Variants in LONRF2 observed in about 807,000 individuals in gnomAD.
LONRF2 encodes the protein LON peptidase N-terminal domain and ring finger 2, also known as LON peptidase N-terminal domain and RING finger protein 2.
Under a neutral mutation model 66.6 loss-of-function variants are expected in LONRF2, and 35 were observed. That is an observed-to-expected ratio of 0.53 (90% CI 0.40 to 0.70). The LOEUF is 0.70. LONRF2 is among the 30% of genes least tolerant of loss of function. The probability of loss-of-function intolerance (pLI) is 0.00; values close to 1 mark genes in which losing one functional copy is unlikely to be tolerated. For synonymous variants in LONRF2, 417 were observed against 418.1 expected, an observed-to-expected ratio of 1.00 and a Z score of 0.03; for missense variants, 902 against 1,002.1, an observed-to-expected ratio of 0.90 and a Z score of 1.35.
intron 11 of LONRF2, among the ~76,000 whole-genome samples, chr2:100,285,528 T>C (rs1674827406): frequency 6.6e-6 from 1 of 152,156 alleles, no homozygotes; most frequent in African/African-American, 2.4e-5. Flanking sequence ...ATATGGTACC[T>C]TATATGGCAG....
At position 100,277,712 on chromosome 2, in the gene LONRF2, G is replaced by A. The variant is rs1674629148; in HGVS notation, c.*6586C>T. 6.6e-6 allele frequency: 1 copy of A among 152,140 alleles called. No homozygotes were observed. The highest frequency in any genetic ancestry group is 2.4e-5 in the African/African-American group (1 of 41,418). 9.4% of individuals were successfully genotyped at this position (152,140 alleles called of 1,614,324 possible). A position where few individuals can be genotyped will look rare whatever the true frequency, so the allele number is the denominator to read the frequency against. ...ACGGAACCCAAAAAACAACGCATGT[G>A]GCCAAAGTTAGGCAGTCGTCTTAAC... On this transcript the variant is annotated 3_prime_UTR_variant, in exon 12 of 12. Transcript: ENST00000393437.
rs887393116 is a variant in LONRF2, at chr2:100,281,504, G to A, written c.*2794C>T. ...ATTCTGAAGATGAGGACACACACGG[G>A]GGATGGGATAAGCTAAAAATGCCAC... On this transcript the variant is annotated 3_prime_UTR_variant, in exon 12 of 12. Coordinates refer to ENST00000393437, the MANE Select transcript of LONRF2 (RefSeq NM_198461.4). 2.0e-5 allele frequency: 3 copies of A among 152,108 alleles called. No homozygotes were observed. The highest frequency in any genetic ancestry group is 7.2e-5 in the African/African-American group (3 of 41,412). 9.4% of individuals were successfully genotyped at this position (152,108 alleles called of 1,614,324 possible).
At chr2:100,289,292 G>A (rs1431368247) in intron 10 of LONRF2, among the ~76,000 whole-genome samples, 1 of 152,142 alleles carries the variant, frequency 6.6e-6, no homozygotes, top group African/African-American at 2.4e-5. Context: ...GAGACCACAT[G>A]GCCTCTGGAG....
Position 100,299,327 on chromosome 2 carries a change from C to A in LONRF2, c.1268-8G>T, listed in dbSNP as rs997415790. 2.6e-6 allele frequency: 4 copies of A among 1,532,486 alleles called. No individual in the cohort carries two copies. The highest frequency in any genetic ancestry group is 2.6e-6 in the Non-Finnish European group (3 of 1,134,992). 94.9% of individuals were successfully genotyped at this position (1,532,486 alleles called of 1,614,324 possible). ...TCCTTTGAAGTGAGAGATCTGAATG[C>A]GAAAAAATTTAAAACGCTGTAATTA... is the stretch of plus-strand genomic sequence containing the variant. On this transcript the variant is annotated splice_region_variant and splice_polypyrimidine_tract_variant and intron_variant, in intron 5 of 11. Coordinates refer to ENST00000393437, the MANE Select transcript of LONRF2 (RefSeq NM_198461.4).
At chr2:100,305,910 A>G (rs1418907623) in intron 2 of LONRF2, among the ~76,000 whole-genome samples, 3 of 152,056 alleles carry the variant, frequency 2.0e-5, no homozygotes, top group Admixed American at 6.5e-5. Flanking sequence ...ATTTTTTGAG[A>G]TGGAGTCTCG....
chr2:100,304,303 C>T (rs1675244908), intron 2 of LONRF2, among the ~76,000 whole-genome samples: 1 of 113,444 alleles, frequency 8.8e-6, no homozygotes, highest in Non-Finnish European at 1.8e-5. Flanking sequence ...CACATGCCAC[C>T]CTGCCTGGCT....
rs1380508226 is a variant in LONRF2 at position 100,321,490 on chromosome 2, C to A, written c.604G>T (p.Gly202Cys). 1 of 1,530,686 alleles carries A rather than the reference C, an allele frequency of 6.5e-7. No homozygotes were observed. Among genetic ancestry groups the A allele is most frequent in the Non-Finnish European group, 8.7e-7 (1 of 1,151,056 alleles). The allele number at this position is 1,530,686 out of a possible 1,614,324, so 94.8% of individuals were successfully genotyped here. A position where few individuals can be genotyped will look rare whatever the true frequency, so the allele number is the denominator to read the frequency against. ...PAECRLRRLA[G>C]QARSLQRQQQ... ...TGGCGCTGCAGGCTCCGCGCCTGGC[C>A]TGCCAGCCTGCGCAGCCGGCACTCG... Residue 202 changes from glycine to cysteine, a missense_variant, in exon 1 of 12, where the codon GGC becomes TGC. Around this residue, in one of 2 missense-constraint regions of LONRF2, gnomAD observed 585 missense variants for 569.9 expected, o/e 1.03. Transcript: ENST00000393437.
intron 9 of LONRF2, among the ~76,000 whole-genome samples, chr2:100,293,939 G>A (rs1023181262): frequency 1.3e-5 from 2 of 152,082 alleles, no homozygotes; most frequent in South Asian, 4.1e-4. Context: ...TGGGGATAAA[G>A]AAAATTGCAG....
chr2:100,318,395 A>C (rs528263029), intron 1 of LONRF2, among the ~76,000 whole-genome samples: 3 of 152,294 alleles, frequency 2.0e-5, no homozygotes, highest in African/African-American at 7.2e-5. Flanking sequence ...TTCCACTCAT[A>C]ACTTATCGGC....
rs1559180423 is a variant in LONRF2 at position 100,306,074 on chromosome 2, T to TG, written c.798+3032_799-3031insC. ...TGGCTAATTTTTTCTTGGCTATTTT[T>TG]TGTGTGTGTGTGTATTTTTAGTAGA... On this transcript the variant is annotated intron_variant, in intron 2 of 11. Transcript: ENST00000393437. Among the ~76,000 whole-genome samples the TG allele has an allele frequency of 3.3e-5, 5 of 150,634 alleles. No individual in the cohort carries two copies. In the South Asian group the frequency reaches 6.3e-4, roughly 19 times the overall value.
intron 1 of LONRF2, among the ~76,000 whole-genome samples, chr2:100,318,237 T>C (rs1675548089): frequency 6.6e-6 from 1 of 152,258 alleles, no homozygotes; most frequent in Non-Finnish European, 1.5e-5. Context: ...ATCTGGTTTG[T>C]AACAAATCTA....
Position 100,290,258 on chromosome 2 carries a change from C to T in LONRF2, c.1920G>A (p.Lys640=). ...TADIEYLEDE[K]VEGPEYEELA... The stretch of plus-strand genomic sequence containing the variant: ...AATACACCAGTATGATAAGCCTTAC[C>T]TTTTCATCTTCAAGATATTCAATGT... The change falls in exon 10 of 12, where the codon AAG becomes AAA. Residue 640 remains lysine (K), a splice_region_variant and synonymous_variant. Coordinates refer to ENST00000393437, the MANE Select transcript of LONRF2 (RefSeq NM_198461.4). 7 of 1,611,930 alleles carry T rather than the reference C, an allele frequency of 4.3e-6. No individual in the cohort carries two copies. The highest frequency in any genetic ancestry group is 5.9e-6 in the Non-Finnish European group (7 of 1,179,146).
At chr2:100,316,807 CCT>C (rs1491529500) in intron 1 of LONRF2, among the ~76,000 whole-genome samples, 1 of 152,154 alleles carries the variant, frequency 6.6e-6, no homozygotes, top group Non-Finnish European at 1.5e-5. Context: ...AATTATTTCC[CCT>C]TTTGCTTTTG....
rs554900714 is a variant in LONRF2, at chr2:100,320,870, A to G, written c.679+545T>C. 7.2e-5 allele frequency among the ~76,000 whole-genome samples: 11 copies of G among 152,334 alleles called. No individual in the cohort carries two copies. The South Asian group carries it at 2.1e-3, about 29-fold the overall frequency. On this transcript the variant is annotated intron_variant, in intron 1 of 11. Coordinates refer to ENST00000393437, the MANE Select transcript of LONRF2 (RefSeq NM_198461.4). Reference sequence around the variant, plus strand: ...TAAAACTACACACACTAGTCAGTGTAACTATCTAGTAAGTTAAATACGCCA... The same window carrying G: ...TAAAACTACACACACTAGTCAGTGTGACTATCTAGTAAGTTAAATACGCCA...
Position 100,298,855 on chromosome 2 carries a change from C to A in LONRF2, c.1457G>T (p.Cys486Phe). Residue 486 changes from cysteine to phenylalanine, a missense_variant, in exon 7 of 12, where the codon TGC (cysteine) becomes TTC (phenylalanine). Physicochemically the swap from Cys to Phe is radical, Grantham distance 205. Coordinates refer to ENST00000393437, the MANE Select transcript of LONRF2 (RefSeq NM_198461.4). The part of the protein sequence containing the change: ...CLDHAPHCPL[C>F]KDKLSELLAS... ...ACTTACTTCCGAAAGTTTGTCTTTG[C>A]ACAAAGGACAGTGTGGGGCGTGGTC... 6.2e-7 allele frequency: 1 copy of A among 1,613,932 alleles called. No individual in the cohort carries two copies. Among genetic ancestry groups the A allele is most frequent in the Non-Finnish European group, 8.5e-7 (1 of 1,179,836 alleles).
Position 100,321,515 on chromosome 2 carries a change from G to A in LONRF2, c.579C>T (p.Ala193=). 3 of 1,550,542 alleles carry A rather than the reference G, an allele frequency of 1.9e-6. No homozygotes were observed. The highest frequency in any genetic ancestry group is 1.8e-5 in the Admixed American group (1 of 54,104). The change falls in exon 1 of 12, where the codon GCC becomes GCT. Residue 193 remains alanine (A), a synonymous_variant. Transcript: ENST00000393437. ...CTGCCAGCCTGCGCAGCCGGCACTC[G>A]GCCGGGAAGCACTTCTCCAGCAGGC... The part of the protein sequence containing the change: ...LSGLLEKCFP[A]ECRLRRLAGQ...
intron 9 of LONRF2, among the ~76,000 whole-genome samples, chr2:100,292,996 C>T (rs1004330119): frequency 6.6e-6 from 1 of 152,122 alleles, no homozygotes; most frequent in East Asian, 1.9e-4. Context: ...CGGATCTCTA[C>T]ATTATTGTGT....
In LONRF2 at chr2:100,298,875, G is replaced by A. The variant is rs148009215; in HGVS notation, c.1437C>T (p.His479=). ...CLKCLERCLD[H]APHCPLCKDK... is the part of the protein sequence containing the mutation. The stretch of plus-strand genomic sequence containing the variant: ...CTTTGCACAAAGGACAGTGTGGGGC[G>A]TGGTCAAGGCAGCGCTCAAGGCATT... The change falls in exon 7 of 12, where the codon CAC becomes CAT. Residue 479 remains histidine, a synonymous_variant. Coordinates refer to ENST00000393437, the MANE Select transcript of LONRF2 (RefSeq NM_198461.4). The A allele has an allele frequency of 1.6e-3, 2,660 of 1,614,120 alleles. 7 individuals carry two copies. The highest frequency in any genetic ancestry group is 2.0e-3 in the Non-Finnish European group (2,375 of 1,180,014).
intron 2 of LONRF2, among the ~76,000 whole-genome samples, chr2:100,308,228 GGT>G (rs70943013): frequency 0.51 from 76,841 of 151,490 alleles, 19,812 homozygotes; most frequent in East Asian, 0.76. Flanking sequence ...AAATTAGCTG[GGT>G]GTGGTAGCAC....
Sources: allele counts gnomAD v4.1 joint callset (sites outside exome capture counted in the v4.1 genomes callset), GRCh38; gene constraint gnomAD v4.1.1; regional missense constraint gnomAD v4.1.1; transcripts MANE v1.5; gene names NCBI Gene and HGNC (gene_info 2026-07-23, HGNC 2026-07-21).